Variants in NTNG1 observed in about 807,000 individuals in gnomAD.
NTNG1 encodes the protein netrin-G1.
NTNG1 carries 16 observed loss-of-function variants against 54.0 expected under a neutral mutation model. The observed-to-expected ratio is 0.30, with a 90% CI of 0.20 to 0.45. The LOEUF is 0.45. NTNG1 is among the 20% of genes least tolerant of loss of function. NTNG1 has a pLI of 1.00. For missense variants in NTNG1, 530 were observed against 678.7 expected, an observed-to-expected ratio of 0.78 and a Z score of 2.43; for synonymous variants, 255 against 263.1, an observed-to-expected ratio of 0.97 and a Z score of 0.30.
chr1:107,150,167 C>A (rs909706704), intron 2 of NTNG1, among the ~76,000 whole-genome samples: 1 of 152,120 alleles, frequency 6.6e-6, no homozygotes, highest in Non-Finnish European at 1.5e-5. Context: ...GTCACTGTTA[C>A]TAAAGTGCCC....
intron 3 of NTNG1, among the ~76,000 whole-genome samples, chr1:107,326,863 TA>T (rs752499509): frequency 8.5e-5 from 13 of 152,142 alleles, no homozygotes; most frequent in Non-Finnish European, 1.5e-5. Flanking sequence ...AAAGAAAGTG[TA>T]AAATAAACTT....
intron 2 of NTNG1, among the ~76,000 whole-genome samples, chr1:107,185,212 A>G (rs1657361785): frequency 6.6e-6 from 1 of 152,186 alleles, no homozygotes; most frequent in Non-Finnish European, 1.5e-5. Context: ...AAAATGCCAC[A>G]AATTGGATGG....
chr1:107,252,383 G>A (rs1009535458), intron 2 of NTNG1, among the ~76,000 whole-genome samples: 2 of 152,150 alleles, frequency 1.3e-5, no homozygotes, highest in Non-Finnish European at 2.9e-5. Flanking sequence ...GAAAGTCACG[G>A]AAACCAGTGC....
chr1:107,265,382 T>A (rs1663666804), intron 2 of NTNG1, among the ~76,000 whole-genome samples: 1 of 152,194 alleles, frequency 6.6e-6, no homozygotes, highest in Non-Finnish European at 1.5e-5. Flanking sequence ...TCTCCTTCCC[T>A]GATTTTAAGA....
chr1:107,406,943 T>C (rs1673464318), intron 4 of NTNG1, among the ~76,000 whole-genome samples: 1 of 152,112 alleles, frequency 6.6e-6, no homozygotes, highest in African/African-American at 2.4e-5. Flanking sequence ...CTGGGTTAGA[T>C]ACAGACTAAA....
intron 7 of NTNG1, among the ~76,000 whole-genome samples, chr1:107,461,531 C>CTTTTT (rs138280923): frequency 8.3e-6 from 1 of 120,434 alleles, no homozygotes; most frequent in Non-Finnish European, 2.0e-5. Flanking sequence ...CTCTTTTTTT[C>CTTTTT]TTTTTTTTTT....
At chr1:107,245,201 AT>A (rs1211772147) in intron 2 of NTNG1, among the ~76,000 whole-genome samples, 1 of 152,232 alleles carries the variant, frequency 6.6e-6, no homozygotes, top group East Asian at 1.9e-4. Flanking sequence ...TATCAGGCTA[AT>A]CTGAATAGAT....
At chr1:107,188,656 A>C (rs973429618) in intron 2 of NTNG1, among the ~76,000 whole-genome samples, 2 of 152,162 alleles carry the variant, frequency 1.3e-5, no homozygotes, top group Non-Finnish European at 2.9e-5. Context: ...TATTAGAGTA[A>C]GAATGTCTCT....
intron 3 of NTNG1, among the ~76,000 whole-genome samples, chr1:107,373,711 T>C (rs1189384879): frequency 6.7e-6 from 1 of 149,168 alleles, no homozygotes; most frequent in Non-Finnish European, 1.5e-5. Context: ...ATTTATTTTT[T>C]TTCAAGAGAC....
intron 7 of NTNG1, among the ~76,000 whole-genome samples, chr1:107,448,723 AT>A (rs1676444590): frequency 6.6e-6 from 1 of 152,170 alleles, no homozygotes; most frequent in East Asian, 1.9e-4. Context: ...ACCTTGGAAC[AT>A]TTTATATAAG....
rs547861299 is a variant in NTNG1 at position 107,417,855 on chromosome 1, T to C, written c.1087+10147T>C. Among the ~76,000 whole-genome samples the C allele has an allele frequency of 1.2e-3, 179 of 152,216 alleles. 1 individual carries two copies. The highest frequency in any genetic ancestry group is 1.4e-3 in the Non-Finnish European group (93 of 67,986). On this transcript the variant is annotated intron_variant, in intron 5 of 7. Transcript: ENST00000370068. ...GCCTTCCATAACTGGAAGACACAAA[T>C]AATACCAAGATATAAATAATACCAG...
intron 2 of NTNG1, among the ~76,000 whole-genome samples, chr1:107,268,251 T>G (rs979520822): frequency 3.9e-5 from 6 of 152,186 alleles, no homozygotes; most frequent in Non-Finnish European, 7.3e-5. Context: ...TCTCTACTTC[T>G]TTTACTTCCA....
chr1:107,414,423 T>A (rs1674060648), intron 5 of NTNG1, among the ~76,000 whole-genome samples: 1 of 152,128 alleles, frequency 6.6e-6, no homozygotes, highest in African/African-American at 2.4e-5. Context: ...CAAAAGAAAT[T>A]TAGGAATTAC....
intron 7 of NTNG1, among the ~76,000 whole-genome samples, chr1:107,473,066 A>T (rs1678086461): frequency 6.6e-6 from 1 of 152,160 alleles, no homozygotes; most frequent in Non-Finnish European, 1.5e-5. Flanking sequence ...AAGGACGGGA[A>T]CAATTTGGAA....
At chr1:107,478,998 T>C (rs554191844) in intron 7 of NTNG1, among the ~76,000 whole-genome samples, 1 of 152,234 alleles carries the variant, frequency 6.6e-6, no homozygotes, top group Non-Finnish European at 1.5e-5. Context: ...AGGTAGCTTA[T>C]ATAATCATTA....
intron 2 of NTNG1, among the ~76,000 whole-genome samples, chr1:107,311,748 G>T (rs1667028995): frequency 6.6e-6 from 1 of 151,904 alleles, no homozygotes; most frequent in Non-Finnish European, 1.5e-5. Context: ...AAAAATGTTT[G>T]CACACTTGTT....
At chr1:107,304,241 T>C (rs2101813669) in intron 2 of NTNG1, among the ~76,000 whole-genome samples, 1 of 152,226 alleles carries the variant, frequency 6.6e-6, no homozygotes, top group East Asian at 1.9e-4. Context: ...TTCTTTATTC[T>C]CTAGGATATG....
intron 6 of NTNG1, among the ~76,000 whole-genome samples, chr1:107,433,477 T>A (rs1378061073): frequency 6.6e-6 from 1 of 152,040 alleles, no homozygotes; most frequent in Non-Finnish European, 1.5e-5. Flanking sequence ...ACTCGAGAGG[T>A]AGAGGTTGCA....
At chr1:107,444,451 A>G (rs1676186384) in intron 7 of NTNG1, among the ~76,000 whole-genome samples, 1 of 152,094 alleles carries the variant, frequency 6.6e-6, no homozygotes, top group Non-Finnish European at 1.5e-5. Context: ...TTCAAAACCC[A>G]CAGCTCCTGA....
Sources: gnomAD v4.1 joint callset for allele counts (sites outside exome capture counted in the v4.1 genomes callset) on GRCh38, gnomAD v4.1.1 for gene constraint, MANE v1.5 for transcripts, NCBI Gene and HGNC (gene_info 2026-07-23, HGNC 2026-07-21) for gene names.